The following NACC2 variants were observed in gnomAD, a reference collection of about 807,000 sequenced individuals.
The protein encoded by NACC2 is nucleus accumbens-associated protein 2.
A neutral mutation model predicts 25.1 loss-of-function variants in NACC2; 8 were observed. That is an observed-to-expected ratio of 0.32 (90% CI 0.19 to 0.57). The LOEUF is 0.57. NACC2 is among the 20% of genes least tolerant of loss of function. The probability of loss-of-function intolerance (pLI) is 0.89; values close to 1 mark genes in which losing one functional copy is unlikely to be tolerated. For synonymous variants in NACC2, 435 were observed against 294.7 expected (o/e 1.48, Z -4.88); for missense variants, 644 against 650.2 (o/e 0.99, Z 0.10).
intron 1 of NACC2, among the ~76,000 whole-genome samples, chr9:136,077,640 A>T (rs1203097124): frequency 3.3e-5 from 5 of 150,498 alleles, no homozygotes; most frequent in African/African-American, 1.2e-4. Flanking sequence ...CAGGCCCTTC[A>T]CAGAGGAGAA....
rs529379947 is a variant in NACC2, at chr9:136,032,206, A to G, written c.887-15777T>C. Among the ~76,000 whole-genome samples, 8 of 152,374 alleles carry G rather than the reference A, an allele frequency of 5.3e-5. No individual in the cohort carries two copies. In the South Asian group the frequency reaches 1.2e-3, roughly 24 times the overall value. ...CAGCGAGCTGCATCCAGAGGCATGT[A>G]TAACAGAAGGCTGCCACAGCACAAC... is the stretch of plus-strand genomic sequence containing the variant. On this transcript the variant is annotated intron_variant, in intron 2 of 5. Transcript: ENST00000277554.
In NACC2 at chr9:136,013,649, C is replaced by G. The variant is rs183069943; in HGVS notation, c.1157+215G>C. ...CATTTTTCTGTTGTGGGGGTTGCAT[C>G]CACAAGCCCGTTTGAGAAAGGCCAC... On this transcript the variant is annotated intron_variant, in intron 4 of 5. Transcript: ENST00000277554. The surrounding 1 kb of genome is among the most constrained non-coding windows in gnomAD (Gnocchi z 6.6). Among the ~76,000 whole-genome samples, 36 of 152,304 alleles carry G rather than the reference C, an allele frequency of 2.4e-4. No individual in the cohort carries two copies. The highest frequency in any genetic ancestry group is 2.0e-4 in the Admixed American group (3 of 15,306).
In NACC2 at chr9:136,019,005, C is replaced by T. The variant is rs1339769794; in HGVS notation, c.887-2576G>A. Reference sequence around the variant, plus strand: ...AGCCCCTGCCCAGCTCCCCAAGAGCCAGAGACTGTCAGCACCAGAGCGGCC... The same window carrying T: ...AGCCCCTGCCCAGCTCCCCAAGAGCTAGAGACTGTCAGCACCAGAGCGGCC... On this transcript the variant is annotated intron_variant, in intron 2 of 5. Coordinates refer to ENST00000277554, the MANE Select transcript of NACC2 (RefSeq NM_144653.5). This position sits in a 1 kb window ranked among gnomAD's most constrained non-coding sequence, Gnocchi z 5.2. Among the ~76,000 whole-genome samples the T allele has an allele frequency of 3.3e-5, 5 of 152,302 alleles. No homozygotes were observed. The East Asian group carries it at 9.6e-4, about 29-fold the overall frequency.
rs1840799000 is a variant in NACC2 at position 136,050,225 on chromosome 9, C to G, written c.297G>C (p.Val99=). 1.3e-6 allele frequency: 1 copy of G among 772,586 alleles called. No individual in the cohort carries two copies. The highest frequency in any genetic ancestry group is 2.4e-6 in the Non-Finnish European group (1 of 415,870). 47.9% of individuals were successfully genotyped at this position (772,586 alleles called of 1,614,324 possible). ...GCAGGAAGCCGGCCGTGTACATGACCACGAGCTGCTCGCTGGCCGTCATGG... is the reference window on the plus strand; with the variant it reads ...GCAGGAAGCCGGCCGTGTACATGACGACGAGCTGCTCGCTGGCCGTCATGG... ...RLTMTASEQL[V]VMYTAGFLQI... Residue 99 remains valine, a synonymous_variant, in exon 2 of 6, where the codon GTG becomes GTC. Transcript: ENST00000277554.
At chr9:136,047,548 T>C (rs1840749477) in intron 2 of NACC2, among the ~76,000 whole-genome samples, 1 of 152,146 alleles carries the variant, frequency 6.6e-6, no homozygotes, top group African/African-American at 2.4e-5. Context: ...AGGCAGAGAA[T>C]GCCGCGCAGC....
At chr9:136,080,727 T>C (rs1348461545) in intron 1 of NACC2, among the ~76,000 whole-genome samples, 1 of 152,056 alleles carries the variant, frequency 6.6e-6, no homozygotes, top group Non-Finnish European at 1.5e-5. Context: ...GGGGGTCTCC[T>C]CCTCTCCAGA....
intron 1 of NACC2, 113 bp from the exon 2 acceptor site, chr9:136,050,693 CG>C: frequency 1.6e-6 from 1 of 627,850 alleles, no homozygotes; most frequent in East Asian, 2.7e-5. Flanking sequence ...GCGAGCCTTC[CG>C]CACGCGCCCT....
rs550351400 is a variant in NACC2 at position 136,020,543 on chromosome 9, G to T, written c.887-4114C>A. Among the ~76,000 whole-genome samples the T allele has an allele frequency of 6.6e-6, 1 of 152,216 alleles. No homozygotes were observed. The highest frequency in any genetic ancestry group is 6.5e-5 in the Admixed American group (1 of 15,286). On this transcript the variant is annotated intron_variant, in intron 2 of 5. Coordinates refer to ENST00000277554, the MANE Select transcript of NACC2 (RefSeq NM_144653.5). The surrounding 1 kb of genome is among the most constrained non-coding windows in gnomAD (Gnocchi z 4.7). The stretch of plus-strand genomic sequence containing the variant: ...TGGTGGAGCCCAGCAGAGCCTCGGC[G>T]GGGGTAGGAGGGAGACGGGGAGGCC...
chr9:136,092,068 G>C (rs1830439458), intron 1 of NACC2, among the ~76,000 whole-genome samples: 1 of 152,208 alleles, frequency 6.6e-6, no homozygotes, highest in African/African-American at 2.4e-5. Context: ...AGGGAGGCCG[G>C]TGTGGGGGCC....
chr9:136,024,941 G>A (rs1840365856), intron 2 of NACC2, among the ~76,000 whole-genome samples: 1 of 152,062 alleles, frequency 6.6e-6, no homozygotes, highest in African/African-American at 2.4e-5. Context: ...CCGGCCTCAG[G>A]GTGCAATTTC....
intron 5 of NACC2, among the ~76,000 whole-genome samples, chr9:136,012,682 T>A (rs924522348): frequency 1.3e-5 from 2 of 149,662 alleles, no homozygotes; most frequent in African/African-American, 5.0e-5. Context: ...TTCTTTTTTT[T>A]AGGAAGAAAA....
At chr9:136,044,684 C>T (rs1250910215) in intron 2 of NACC2, among the ~76,000 whole-genome samples, 1 of 152,232 alleles carries the variant, frequency 6.6e-6, no homozygotes, top group African/African-American at 2.4e-5. Context: ...TTCAGCCCCT[C>T]TTCTTGCTTC....
At chr9:136,016,152 ATT>A in intron 3 of NACC2, 111 bp downstream of exon 3, 1 of 1,123,892 alleles carries the variant, frequency 8.9e-7, no homozygotes, top group Non-Finnish European at 1.2e-6. Context: ...GAAATTTAAG[ATT>A]TTTTTTTTGA....
chr9:136,075,086 G>A (rs1263687629), intron 1 of NACC2, among the ~76,000 whole-genome samples: 1 of 152,252 alleles, frequency 6.6e-6, no homozygotes, highest in Admixed American at 6.5e-5. Context: ...CGTGAAATGA[G>A]CCGATTCCAC....
At chr9:136,044,490 C>A (rs1840689488) in intron 2 of NACC2, among the ~76,000 whole-genome samples, 1 of 152,170 alleles carries the variant, frequency 6.6e-6, no homozygotes, top group South Asian at 2.1e-4. Context: ...ACGGCACTCC[C>A]CGGTCTGGCC....
At chr9:136,028,631 T>G (rs1241640844) in intron 2 of NACC2, among the ~76,000 whole-genome samples, 1 of 151,962 alleles carries the variant, frequency 6.6e-6, no homozygotes, top group Non-Finnish European at 1.5e-5. Flanking sequence ...CGGGAACAGG[T>G]AGAAATCTTG....
chr9:136,049,540 G>A (rs1273491323), intron 2 of NACC2, 96 bp downstream of exon 2: 17 of 638,946 alleles, frequency 2.7e-5, no homozygotes, highest in African/African-American at 1.1e-4. Context: ...CTGTGGCCCC[G>A]CAGGCCTCCG....
chr9:136,049,783 T>C lies in NACC2; in HGVS notation c.739A>G (p.Thr247Ala). The change falls in exon 2 of 6, where the codon ACC becomes GCC. Residue 247 changes from threonine (T) to alanine (A), a missense_variant. Physicochemically the swap from Thr to Ala is moderately conservative, Grantham distance 58 (BLOSUM62 0). Transcript: ENST00000277554. Reference sequence around the variant, plus strand: ...GGCAGGCTGCTGGCGCCTGGACTGGTCCGCTCCCCCTGGGGGTAGGGCATC... The same window carrying C: ...GGCAGGCTGCTGGCGCCTGGACTGGCCCGCTCCCCCTGGGGGTAGGGCATC... ...QQMPYPQGER[T>A]SPGASSLPTT... 1.3e-6 allele frequency: 1 copy of C among 771,926 alleles called. No individual in the cohort carries two copies. The highest frequency in any genetic ancestry group is 2.4e-6 in the Non-Finnish European group (1 of 414,516). The allele number at this position is 771,926 out of a possible 1,614,324, so 47.8% of individuals were successfully genotyped here.
At chr9:136,082,728 G>A (rs537728247) in intron 1 of NACC2, among the ~76,000 whole-genome samples, 1 of 152,306 alleles carries the variant, frequency 6.6e-6, no homozygotes, top group South Asian at 2.1e-4. Flanking sequence ...AATCCAGCGT[G>A]TGCACCATCA....
Sources: gnomAD v4.1 joint callset for allele counts (sites outside exome capture counted in the v4.1 genomes callset) on GRCh38, gnomAD v4.1.1 for gene constraint, Gnocchi (gnomAD v3.1) non-coding constraint, MANE v1.5 for transcripts, NCBI Gene and HGNC (gene_info 2026-07-23, HGNC 2026-07-21) for gene names.